The following ATRNL1 variants were observed in gnomAD, a reference collection of about 807,000 sequenced individuals.
The protein encoded by ATRNL1 is attractin like 1.
A neutral mutation model predicts 182.7 loss-of-function variants in ATRNL1; 95 were observed. The observed-to-expected ratio is 0.52, with a 90% CI of 0.44 to 0.62. The LOEUF is 0.62. Among genes scored for constraint, ATRNL1 ranks in the 20% least tolerant of loss-of-function variants. ATRNL1 has a pLI of 0.00. For synonymous variants in ATRNL1, 576 were observed against 568.3 expected (o/e 1.01, Z -0.19); for missense variants, 1,471 against 1,679.5 (o/e 0.88, Z 2.17).
chr10:115,756,078 T>A (rs1417433314), intron 27 of ATRNL1, among the ~76,000 whole-genome samples: 4 of 152,162 alleles, frequency 2.6e-5, no homozygotes, highest in African/African-American at 9.7e-5. Flanking sequence ...TTACTCTGGC[T>A]AGAGGTCTAT....
Position 115,332,840 on chromosome 10 carries a change from C to A in ATRNL1, c.3038-1442C>A, listed in dbSNP as rs535569184. Among the ~76,000 whole-genome samples the A allele has an allele frequency of 5.4e-4, 82 of 151,310 alleles. 1 individual carries two copies. In the East Asian group the frequency reaches 0.012, roughly 22 times the overall value. The stretch of plus-strand genomic sequence containing the variant: ...TTAATATCTGTTTTTTTTTTACATT[C>A]AATGTTCCATATACATATTTGTTTC... On this transcript the variant is annotated intron_variant, in intron 18 of 28. Transcript: ENST00000355044.
At chr10:115,147,766 A>G (rs1276998488) in intron 5 of ATRNL1, among the ~76,000 whole-genome samples, 1 of 152,058 alleles carries the variant, frequency 6.6e-6, no homozygotes, top group Non-Finnish European at 1.5e-5. Context: ...CTTTGAAATC[A>G]GTGAGTATAA....
At chr10:115,503,811 T>C (rs568376194) in intron 24 of ATRNL1, among the ~76,000 whole-genome samples, 48 of 152,062 alleles carry the variant, frequency 3.2e-4, no homozygotes, top group Non-Finnish European at 5.6e-4. Context: ...TATTTTATTA[T>C]AGGACTAAAT....
At chr10:115,362,532 T>TA (rs1856799217) in intron 19 of ATRNL1, among the ~76,000 whole-genome samples, 1 of 151,232 alleles carries the variant, frequency 6.6e-6, no homozygotes, top group African/African-American at 2.5e-5. Context: ...TTTTTTTTTT[T>TA]ATTATACTTT....
chr10:115,541,230 C>G (rs1554991889), intron 25 of ATRNL1, among the ~76,000 whole-genome samples: 1 of 152,138 alleles, frequency 6.6e-6, no homozygotes, highest in Non-Finnish European at 1.5e-5. Flanking sequence ...TCTGAAAACT[C>G]CTTTCTCCAA....
intron 26 of ATRNL1, among the ~76,000 whole-genome samples, chr10:115,586,487 A>G (rs4298815): frequency 0.42 from 37,319 of 89,786 alleles, 10,198 homozygotes; most frequent in Non-Finnish European, 0.65. Context: ...TTCCTTTCTC[A>G]CTTCATTTCA....
chr10:115,184,350 TTATA>T (rs138994333), intron 8 of ATRNL1, among the ~76,000 whole-genome samples: 1 of 149,712 alleles, frequency 6.7e-6, no homozygotes, highest in Non-Finnish European at 1.5e-5. Context: ...CAGTGCAAGA[TTATA>T]TATATATATA....
intron 24 of ATRNL1, among the ~76,000 whole-genome samples, chr10:115,472,001 AAT>A (rs1848331181): frequency 6.6e-6 from 1 of 150,936 alleles, no homozygotes; most frequent in African/African-American, 2.4e-5. Flanking sequence ...TTACATCTTT[AAT>A]CCATTTTGAG....
intron 21 of ATRNL1, among the ~76,000 whole-genome samples, chr10:115,437,622 G>C (rs532797492): frequency 6.6e-6 from 1 of 151,804 alleles, no homozygotes; most frequent in African/African-American, 2.4e-5. Context: ...TTGGACTCTC[G>C]ATATTGTTGT....
At chr10:115,287,720 TCC>T (rs1852688629) in intron 15 of ATRNL1, among the ~76,000 whole-genome samples, 1 of 152,068 alleles carries the variant, frequency 6.6e-6, no homozygotes, top group African/African-American at 2.4e-5. Context: ...ACATTCAATA[TCC>T]TCCTTCTAGC....
At chr10:115,893,162 C>T (rs145987472) in intron 28 of ATRNL1, among the ~76,000 whole-genome samples, 33 of 152,142 alleles carry the variant, frequency 2.2e-4, no homozygotes, top group Non-Finnish European at 3.2e-4. Context: ...ATATAGATAA[C>T]GGCAAAAGCT....
At chr10:115,763,282 G>C (rs568033444) in intron 27 of ATRNL1, among the ~76,000 whole-genome samples, 1 of 152,044 alleles carries the variant, frequency 6.6e-6, no homozygotes, top group Non-Finnish European at 1.5e-5. Flanking sequence ...ATATAACACA[G>C]GCCTTGCTCC....
chr10:115,874,026 A>T (rs1951643648), intron 28 of ATRNL1, among the ~76,000 whole-genome samples: 1 of 152,154 alleles, frequency 6.6e-6, no homozygotes. Context: ...GGTATCCAGA[A>T]ATGGCACCAC....
In ATRNL1 at chr10:115,519,321, T is replaced by G. The variant is rs2133700869; in HGVS notation, c.3713T>G (p.Phe1238Cys). ...MDLVQFFVTF[F>C]SCFLSLLLVA... is the part of the protein sequence containing the mutation. The stretch of plus-strand genomic sequence containing the variant: ...CTTGTGCAGTTTTTTGTCACCTTCT[T>G]CAGGTAAAAGTTTGCTTTGACTGAC... The change falls in exon 25 of 29, where the codon TTC becomes TGC. Residue 1238 changes from phenylalanine (F) to cysteine (C), a missense_variant. Coordinates refer to ENST00000355044, the MANE Select transcript of ATRNL1 (RefSeq NM_207303.4). 1 of 1,611,358 alleles carries G rather than the reference T, an allele frequency of 6.2e-7. No individual in the cohort carries two copies. Among genetic ancestry groups the G allele is most frequent in the East Asian group, 2.2e-5 (1 of 44,734 alleles).
intron 24 of ATRNL1, among the ~76,000 whole-genome samples, chr10:115,491,062 C>T (rs1565098295): frequency 6.6e-6 from 1 of 152,132 alleles, no homozygotes; most frequent in Admixed American, 6.6e-5. Flanking sequence ...ACCAGCGGAG[C>T]CAGCAAAACA....
chr10:115,919,800 C>T (rs1203009979), intron 28 of ATRNL1, among the ~76,000 whole-genome samples: 2 of 152,102 alleles, frequency 1.3e-5, no homozygotes, highest in African/African-American at 4.8e-5. Context: ...TGGTGAGGGC[C>T]TTCTTGCTGA....
At chr10:115,206,201 A>G (rs760269653) in intron 8 of ATRNL1, among the ~76,000 whole-genome samples, 5 of 151,934 alleles carry the variant, frequency 3.3e-5, no homozygotes, top group Non-Finnish European at 5.9e-5. Flanking sequence ...TTGTTCCCTT[A>G]TATAATTTGT....
At chr10:115,108,555 A>G (rs1554866830) in intron 1 of ATRNL1, among the ~76,000 whole-genome samples, 2 of 152,200 alleles carry the variant, frequency 1.3e-5, no homozygotes, top group African/African-American at 4.8e-5. Flanking sequence ...TACATAGTGC[A>G]TGGGGAAGGC....
chr10:115,585,302 C>G (rs1164142497), intron 26 of ATRNL1, among the ~76,000 whole-genome samples: 30 of 92,766 alleles, frequency 3.2e-4, no homozygotes, highest in African/African-American at 1.1e-3. Context: ...CCTGGGTATC[C>G]TTGTTGACTT....
Sources: gnomAD v4.1 joint callset for allele counts (sites outside exome capture counted in the v4.1 genomes callset) on GRCh38, gnomAD v4.1.1 for gene constraint, MANE v1.5 for transcripts, NCBI Gene and HGNC (gene_info 2026-07-23, HGNC 2026-07-21) for gene names.